The following ZEB1 variants were observed in gnomAD, a reference collection of about 807,000 sequenced individuals.
ZEB1 encodes zinc finger E-box-binding homeobox 1.
ZEB1 carries 21 observed loss-of-function variants against 84.9 expected under a neutral mutation model. The ratio of observed to expected loss-of-function variants is 0.25; its 90% CI spans 0.18 to 0.36. The LOEUF is 0.36. Among genes scored for constraint, ZEB1 ranks in the 10% least tolerant of loss-of-function variants. ZEB1 has a pLI of 1.00. For missense variants in ZEB1, 1,104 were observed against 1,330.2 expected, an observed-to-expected ratio of 0.83 and a Z score of 2.65; for synonymous variants, 420 against 471.1, an observed-to-expected ratio of 0.89 and a Z score of 1.41.
intron 3 of ZEB1, among the ~76,000 whole-genome samples, chr10:31,501,538 A>T (rs533947115): frequency 6.6e-6 from 1 of 152,332 alleles, no homozygotes; most frequent in Non-Finnish European, 1.5e-5. Flanking sequence ...GATAATTATT[A>T]AAAACTATTT....
Position 31,410,256 on chromosome 10 carries a change from A to G in ZEB1, c.59-50781A>G, listed in dbSNP as rs375027542. Among the ~76,000 whole-genome samples the G allele has an allele frequency of 2.4e-4, 37 of 152,242 alleles. 1 individual carries two copies. Among genetic ancestry groups the G allele is most frequent in the African/African-American group, 7.9e-4 (33 of 41,534 alleles). ...TTTATCAAAAGCCTTTTCTGCATCT[A>G]TTGAGATAATTATGTCGTTTTTGTC... On this transcript the variant is annotated intron_variant, in intron 1 of 8. Transcript: ENST00000424869.
chr10:31,519,282 G>C (rs2071801905), intron 6 of ZEB1, among the ~76,000 whole-genome samples: 1 of 152,088 alleles, frequency 6.6e-6, no homozygotes, highest in Non-Finnish European at 1.5e-5. Flanking sequence ...ATTCCATTTA[G>C]CTCGGTGCTT....
intron 1 of ZEB1, among the ~76,000 whole-genome samples, chr10:31,433,768 G>C (rs1319584094): frequency 6.6e-6 from 1 of 152,216 alleles, no homozygotes; most frequent in Non-Finnish European, 1.5e-5. Flanking sequence ...ATGAGTGGCA[G>C]TGAGGGCTAC....
chr10:31,401,264 T>C (rs1336930078), intron 1 of ZEB1, among the ~76,000 whole-genome samples: 2 of 152,224 alleles, frequency 1.3e-5, no homozygotes. Flanking sequence ...AGCACAGTTT[T>C]ACATATGTTA....
In ZEB1 at chr10:31,394,439, G is replaced by T. The variant is rs150575055; in HGVS notation, c.59-66598G>T. On this transcript the variant is annotated intron_variant, in intron 1 of 8. Transcript: ENST00000424869. ...TATAGAAGCATTAGCATACTGCTTC[G>T]TGAATTTTCACAGACTTAGCACACC... 9.1e-3 allele frequency among the ~76,000 whole-genome samples: 1,388 copies of T among 152,146 alleles called. 13 individuals are homozygous for T. The highest frequency in any genetic ancestry group is 0.031 in the African/African-American group (1,298 of 41,500).
chr10:31,413,922 T>C (rs185246112), intron 1 of ZEB1, among the ~76,000 whole-genome samples: 1 of 152,330 alleles, frequency 6.6e-6, no homozygotes, highest in Admixed American at 6.5e-5. Context: ...GGTTTCCTGC[T>C]CATGCATTAG....
chr10:31,471,224 A>C (rs1293188224), intron 2 of ZEB1, among the ~76,000 whole-genome samples: 2 of 121,514 alleles, frequency 1.6e-5, no homozygotes, highest in African/African-American at 3.3e-5. Context: ...TATTAACTTT[A>C]AATGTAAATG....
chr10:31,382,507 G>A (rs1202157707), intron 1 of ZEB1, among the ~76,000 whole-genome samples: 1 of 152,004 alleles, frequency 6.6e-6, no homozygotes, highest in African/African-American at 2.4e-5. Context: ...CCTAAGAGAG[G>A]GGCACTTAAA....
intron 2 of ZEB1, among the ~76,000 whole-genome samples, chr10:31,492,146 G>A (rs2066619018): frequency 1.3e-5 from 2 of 151,832 alleles, no homozygotes; most frequent in South Asian, 4.1e-4. Flanking sequence ...GGCTTTCTAG[G>A]CAGAGGGAGC....
chr10:31,416,579 G>T (rs1223325356), intron 1 of ZEB1, among the ~76,000 whole-genome samples: 1 of 152,036 alleles, frequency 6.6e-6, no homozygotes, highest in Non-Finnish European at 1.5e-5. Context: ...CAACTCTTTA[G>T]TCATTCTTCC....
chr10:31,492,728 A>G (rs1286292664), intron 2 of ZEB1, among the ~76,000 whole-genome samples: 1 of 151,938 alleles, frequency 6.6e-6, no homozygotes, highest in Non-Finnish European at 1.5e-5. Context: ...TTTAACACAT[A>G]TGCTAAATAA....
intron 1 of ZEB1, among the ~76,000 whole-genome samples, chr10:31,435,663 G>T (rs1460506281): frequency 2.6e-5 from 4 of 152,106 alleles, no homozygotes; most frequent in Non-Finnish European, 5.9e-5. Flanking sequence ...GAGAAGGCTT[G>T]CCATTTACAA....
intron 2 of ZEB1, among the ~76,000 whole-genome samples, chr10:31,478,518 A>G (rs1292633224): frequency 6.6e-6 from 1 of 152,004 alleles, no homozygotes; most frequent in Non-Finnish European, 1.5e-5. Context: ...ACCCAAAGGA[A>G]AAGAAATCAT....
upstream of ZEB1, chr10:31,319,052 A>C: frequency 1.6e-6 from 1 of 615,726 alleles, no homozygotes. Context: ...CCCGGTCCCT[A>C]GCAACAAGGT....
chr10:31,460,343 A>G (rs2061674114), intron 1 of ZEB1, among the ~76,000 whole-genome samples: 1 of 152,162 alleles, frequency 6.6e-6, no homozygotes, highest in South Asian at 2.1e-4. Context: ...ATTCAGAATG[A>G]CAAACTTAAT....
intron 1 of ZEB1, among the ~76,000 whole-genome samples, chr10:31,384,562 C>T (rs1006222873): frequency 1.3e-5 from 2 of 152,158 alleles, no homozygotes; most frequent in African/African-American, 2.4e-5. Flanking sequence ...CTACAGATTG[C>T]GTGAGAAACA....
At chr10:31,373,037 A>G (rs2045982248) in intron 1 of ZEB1, 2 of 985,410 alleles carry the variant, frequency 2.0e-6, no homozygotes, top group Non-Finnish European at 2.4e-6. Context: ...TAAATTCTCA[A>G]CTGGCAATTG....
At chr10:31,495,952 C>T (rs1459499828) in intron 3 of ZEB1, 114 bp downstream of exon 3, 1 of 1,151,238 alleles carries the variant, frequency 8.7e-7, no homozygotes. Context: ...TTTATCTTAC[C>T]TTCCTTAAAT....
rs1565245005 is a variant in ZEB1 at position 31,527,453 on chromosome 10, A to AC, written c.*189_*190insC. 18 of 722,848 alleles carry AC rather than the reference A, an allele frequency of 2.5e-5. No individual in the cohort carries two copies. The highest frequency in any genetic ancestry group is 4.1e-4 in the Middle Eastern group (1 of 2,460). 44.8% of individuals were successfully genotyped at this position (722,848 alleles called of 1,614,324 possible). ...CACACACACACACACACACACACAC[A>AC]AAATAAATCCGGGTGTGCCTGAACC... is the stretch of plus-strand genomic sequence containing the variant. On this transcript the variant is annotated 3_prime_UTR_variant, in exon 9 of 9. Transcript: ENST00000424869.
Sources: gnomAD v4.1 joint callset for allele counts (sites outside exome capture counted in the v4.1 genomes callset) on GRCh38, gnomAD v4.1.1 for gene constraint, MANE v1.5 for transcripts, NCBI Gene and HGNC (gene_info 2026-07-23, HGNC 2026-07-21) for gene names.